NASP: variants seen among roughly 807,000 people sequenced by gnomAD.
NASP encodes the protein nuclear autoantigenic sperm protein, also known as NASP histone chaperone.
NASP carries 24 observed loss-of-function variants against 89.5 expected under a neutral mutation model. The observed-to-expected ratio is 0.27, with a 90% confidence interval of 0.19 to 0.38. The LOEUF (loss-of-function observed/expected upper bound fraction) is 0.38. Among genes scored for constraint, NASP ranks in the 10% least tolerant of loss-of-function variants. NASP has a pLI of 1.00. For synonymous variants in NASP, 306 were observed against 324.7 expected (o/e 0.94, Z 0.62); for missense variants, 848 against 921.4 (o/e 0.92, Z 1.03).
At chr1:45,591,479 G>A (rs1233443273) in intron 2 of NASP, among the ~76,000 whole-genome samples, 3 of 152,072 alleles carry the variant, frequency 2.0e-5, no homozygotes, top group Admixed American at 2.0e-4. Flanking sequence ...TCAACCTCCT[G>A]AGTAGCTAGG....
At chr1:45,604,242 T>C (rs1245191924) in intron 3 of NASP, among the ~76,000 whole-genome samples, 1 of 152,236 alleles carries the variant, frequency 6.6e-6, no homozygotes, top group Non-Finnish European at 1.5e-5. Context: ...CTTCTTACCT[T>C]ACATAGAGAA....
chr1:45,594,706 G>A lies in NASP; in HGVS notation c.107+3436G>A, dbSNP rs145532107. Reference sequence around the variant, plus strand: ...ATTTTGTTTTTAGAGATGAGGTTTCGTCACGTTGCCCAGGCTGGGGCTCAA... The same window carrying A: ...ATTTTGTTTTTAGAGATGAGGTTTCATCACGTTGCCCAGGCTGGGGCTCAA... On this transcript the variant is annotated intron_variant, in intron 2 of 14. Transcript: ENST00000350030. The A allele has an allele frequency of 1.4e-4, 63 of 455,322 alleles. 2 individuals are homozygous for A. Among genetic ancestry groups the A allele is most frequent in the African/African-American group, 9.4e-4 (47 of 50,138 alleles). 28.2% of individuals were successfully genotyped at this position (455,322 alleles called of 1,614,324 possible).
At chr1:45,585,338 A>G (rs966250501) in intron 1 of NASP, among the ~76,000 whole-genome samples, 1 of 152,064 alleles carries the variant, frequency 6.6e-6, no homozygotes, top group Non-Finnish European at 1.5e-5. Context: ...AGTTTTTTAA[A>G]TTGATATTCT....
chr1:45,617,671 T>C lies in NASP; in HGVS notation c.2286+80T>C, dbSNP rs981823162. 4.1e-6 allele frequency: 6 copies of C among 1,449,274 alleles called. No individual in the cohort carries two copies. The African/African-American group carries it at 4.3e-5, about 10-fold the overall frequency. 89.8% of individuals were successfully genotyped at this position (1,449,274 alleles called of 1,614,324 possible). On this transcript the variant is annotated intron_variant, in intron 14 of 14. Transcript: ENST00000350030. ...GGGGAAATCAGTCCTCTCAAGTGCATGCTCCCCACCTTGAGCCTGCTAACG... is the reference window on the plus strand; with the variant it reads ...GGGGAAATCAGTCCTCTCAAGTGCACGCTCCCCACCTTGAGCCTGCTAACG...
chr1:45,595,037 G>C (rs1643654868), intron 2 of NASP, among the ~76,000 whole-genome samples: 1 of 151,806 alleles, frequency 6.6e-6, no homozygotes, highest in Non-Finnish European at 1.5e-5. Flanking sequence ...CAGCCACTCA[G>C]GCTGGAGTAC....
intron 2 of NASP, among the ~76,000 whole-genome samples, chr1:45,598,524 A>G (rs1478481022): frequency 1.3e-5 from 2 of 152,072 alleles, no homozygotes; most frequent in East Asian, 1.9e-4. Flanking sequence ...CAGTCCTACA[A>G]CGTCTTTATT....
At chr1:45,613,075 A>G (rs985094907) in intron 6 of NASP, 94 bp from the exon 7 acceptor site, 10 of 1,468,710 alleles carry the variant, frequency 6.8e-6, no homozygotes, top group African/African-American at 4.3e-5. Flanking sequence ...GGCCTGTCCT[A>G]TCTGAATATA....
rs746006396 is a variant in NASP at position 45,606,491 on chromosome 1, T to C, written c.309T>C (p.Asn103=). Residue 103 remains asparagine (N), a synonymous_variant, in exon 5 of 15, where the codon AAT becomes AAC. Coordinates refer to ENST00000350030, the MANE Select transcript of NASP (RefSeq NM_002482.4). The part of the protein sequence containing the change: ...KSLLELARME[N]GVLGNALEGV... Reference sequence around the variant, plus strand: ...TCTTTTGTTCTCCTAGAATGGAGAATGGTGTGTTGGGAAACGCCTTGGAAG... The same window carrying C: ...TCTTTTGTTCTCCTAGAATGGAGAACGGTGTGTTGGGAAACGCCTTGGAAG... 1 of 1,612,968 alleles carries C rather than the reference T, an allele frequency of 6.2e-7. No homozygotes were observed. Among genetic ancestry groups the C allele is most frequent in the Non-Finnish European group, 8.5e-7 (1 of 1,178,978 alleles).
intron 11 of NASP, 104 bp downstream of exon 11, chr1:45,615,575 T>C (rs1281251321): frequency 6.5e-6 from 7 of 1,071,456 alleles, no homozygotes; most frequent in Non-Finnish European, 9.5e-6. Flanking sequence ...AGGGAGTTGG[T>C]GGGCTCATCT....
chr1:45,604,862 A>G (rs1221174449), intron 3 of NASP, 74 bp from the exon 4 acceptor site: 3 of 1,148,702 alleles, frequency 2.6e-6, no homozygotes, highest in South Asian at 1.3e-5. Context: ...ATATCAATTT[A>G]TAACTGAAGA....
rs888272493 is a variant in NASP at position 45,617,516 on chromosome 1, A to G, written c.2211A>G (p.Gln737=). The part of the protein sequence containing the change: ...PRKDDAKKAK[Q]EPEVNGGSGD... ...AAGATGATGCAAAGAAAGCCAAACA[A>G]GAGCCGGAGGTGAACGGAGGCAGTG... The change falls in exon 14 of 15, where the codon CAA becomes CAG. Residue 737 remains glutamine, a synonymous_variant. Transcript: ENST00000350030. The G allele has an allele frequency of 1.2e-6, 2 of 1,613,726 alleles. No homozygotes were observed. Among genetic ancestry groups the G allele is most frequent in the Admixed American group, 3.3e-5 (2 of 59,898 alleles).
intron 2 of NASP, chr1:45,592,949 A>G (rs1340166120): frequency 6.6e-6 from 1 of 152,336 alleles, no homozygotes; most frequent in Non-Finnish European, 1.5e-5. Context: ...TGCTGCATTT[A>G]CCCAGTGAAA....
Position 45,618,206 on chromosome 1 carries a change from G to T in NASP, c.*65G>T. The T allele has an allele frequency of 7.6e-7, 1 of 1,322,894 alleles. No individual in the cohort carries two copies. The allele number at this position is 1,322,894 out of a possible 1,614,324, so 81.9% of individuals were successfully genotyped here. A position where few individuals can be genotyped will look rare whatever the true frequency, so the allele number is the denominator to read the frequency against. On this transcript the variant is annotated 3_prime_UTR_variant, in exon 15 of 15. Transcript: ENST00000350030. ...TATATAATGTATTTTTTCACTTTTGGAGGATTCTTTTTGTATAACTTCAAT... is the reference window on the plus strand; with the variant it reads ...TATATAATGTATTTTTTCACTTTTGTAGGATTCTTTTTGTATAACTTCAAT...
intron 14 of NASP, 120 bp from the exon 15 acceptor site, chr1:45,617,941 T>G: frequency 1.2e-6 from 1 of 824,018 alleles, no homozygotes; most frequent in Non-Finnish European, 2.0e-6. Flanking sequence ...CCTCTTAATA[T>G]AGGGAGCAAA....
rs1312955002 is a variant in NASP, at chr1:45,618,543, C to T, written c.*402C>T. On this transcript the variant is annotated 3_prime_UTR_variant, in exon 15 of 15. Transcript: ENST00000350030. ...AACAAGAATTGGTGAAGATCTTGCT[C>T]TTCAGTGCTGAAAATGGATGATGGA... The T allele has an allele frequency of 5.8e-6, 1 of 171,346 alleles. No homozygotes were observed. Among genetic ancestry groups the T allele is most frequent in the Admixed American group, 5.7e-5 (1 of 17,606 alleles). 10.6% of individuals were successfully genotyped at this position (171,346 alleles called of 1,614,324 possible).
chr1:45,615,278 C>A (rs753997867), intron 10 of NASP, 27 bp from the exon 11 acceptor site: 1 of 1,611,064 alleles, frequency 6.2e-7, no homozygotes, highest in Non-Finnish European at 8.5e-7. Context: ...TTTTTTGAGC[C>A]ATTACTAATC....
intron 2 of NASP, chr1:45,600,454 T>C: frequency 2.5e-6 from 3 of 1,220,532 alleles, no homozygotes; most frequent in South Asian, 1.5e-5. Context: ...AATAGAATCA[T>C]ACAGTAAGTA....
Position 45,591,262 on chromosome 1 carries a change from A to C in NASP, c.99A>C (p.Lys33Asn). 6.5e-7 allele frequency: 1 copy of C among 1,540,936 alleles called. No individual in the cohort carries two copies. Among genetic ancestry groups the C allele is most frequent in the Non-Finnish European group, 8.7e-7 (1 of 1,142,974 alleles). ...CTGCTCCTTCTACATCTGCAGATAA[A>C]GTGGAGAGGTAAGATTATTTACATG... ...DVPAPSTSADKVESLDVDSEA... is the reference protein window; with the variant it reads ...DVPAPSTSADNVESLDVDSEA... The change falls in exon 2 of 15, where the codon AAA (lysine) becomes AAC (asparagine). Residue 33 changes from lysine (K) to asparagine (N), a missense_variant. This residue lies in a region of NASP where 89 missense variants were observed against 79.2 expected (regional missense o/e 1.12). Transcript: ENST00000350030.
intron 6 of NASP, among the ~76,000 whole-genome samples, chr1:45,608,834 T>C (rs1287286788): frequency 6.6e-6 from 1 of 152,198 alleles, no homozygotes; most frequent in East Asian, 1.9e-4. Flanking sequence ...GAAGCAGGCA[T>C]GCCATTTAAA....
Sources: allele counts gnomAD v4.1 joint callset (sites outside exome capture counted in the v4.1 genomes callset), GRCh38; gene constraint gnomAD v4.1.1; regional missense constraint gnomAD v4.1.1; transcripts MANE v1.5; gene names NCBI Gene and HGNC (gene_info 2026-07-23, HGNC 2026-07-21).